The following ITGAV variants were observed in gnomAD, a reference collection of about 807,000 sequenced individuals.
The protein encoded by ITGAV is integrin subunit alpha V, also known as integrin alpha-V.
Under a neutral mutation model 143.8 loss-of-function variants are expected in ITGAV, and 76 were observed. The ratio of observed to expected loss-of-function variants is 0.53; its 90% CI spans 0.44 to 0.64. The LOEUF is 0.64. ITGAV is among the 30% of genes least tolerant of loss of function. The probability of loss-of-function intolerance (pLI) is 0.00; values close to 1 mark genes in which losing one functional copy is unlikely to be tolerated. For synonymous variants in ITGAV, 453 were observed against 446.7 expected, an observed-to-expected ratio of 1.01 and a Z score of -0.18; for missense variants, 1,193 against 1,274.7, an observed-to-expected ratio of 0.94 and a Z score of 0.98.
rs145640276 is a variant in ITGAV, at chr2:186,609,896, G to C, written c.316+7745G>C. ...ATAAAACTGGAAGTAGCTGAGGAAA[G>C]ATATAAATGAGTTTTTAAAAACATA... On this transcript the variant is annotated intron_variant, in intron 2 of 29. Coordinates refer to ENST00000261023, the MANE Select transcript of ITGAV (RefSeq NM_002210.5). Among the ~76,000 whole-genome samples, 508 of 152,046 alleles carry C rather than the reference G, an allele frequency of 3.3e-3. 2 individuals carry two copies. The highest frequency in any genetic ancestry group is 0.012 in the African/African-American group (482 of 41,504).
chr2:186,593,151 T>A (rs1436261369), intron 1 of ITGAV, among the ~76,000 whole-genome samples: 2 of 152,184 alleles, frequency 1.3e-5, no homozygotes, highest in Non-Finnish European at 2.9e-5. Flanking sequence ...GAAGGATTTG[T>A]GAGGAGCAGT....
At position 186,659,023 on chromosome 2, in the gene ITGAV, C is replaced by T. The variant is rs773111005; in HGVS notation, c.1720-15C>T. 1.9e-5 allele frequency: 30 copies of T among 1,596,600 alleles called. No homozygotes were observed. The highest frequency in any genetic ancestry group is 2.7e-5 in the African/African-American group (2 of 74,180). ...GGTTGACGTTATCATTAATTCAAAG[C>T]GTTTCCATTTCTAGGATGAATCTGA... On this transcript the variant is annotated splice_polypyrimidine_tract_variant and intron_variant, in intron 17 of 29. Transcript: ENST00000261023.
intron 11 of ITGAV, 83 bp from the exon 12 acceptor site, chr2:186,641,303 A>G (rs1043296267): frequency 9.5e-7 from 1 of 1,055,400 alleles, no homozygotes; most frequent in African/African-American, 1.6e-5. Context: ...AGAAAGAGGA[A>G]AAGTGAGTTG....
rs779913662 is a variant in ITGAV at position 186,637,091 on chromosome 2, A to G, written c.784A>G (p.Asn262Asp). 3 of 1,613,058 alleles carry G rather than the reference A, an allele frequency of 1.9e-6. No homozygotes were observed. The South Asian group carries it at 3.3e-5, about 18-fold the overall frequency. Residue 262 changes from asparagine (N) to aspartate (D), a missense_variant, in exon 8 of 30, where the codon AAT (asparagine) becomes GAT (aspartate). Coordinates refer to ENST00000261023, the MANE Select transcript of ITGAV (RefSeq NM_002210.5). Reference sequence around the variant, plus strand: ...TTATTCTGTGGCTGTCGGAGATTTCAATGGTGATGGCATAGATGGTATGAA... The same window carrying G: ...TTATTCTGTGGCTGTCGGAGATTTCGATGGTGATGGCATAGATGGTATGAA... ...LGYSVAVGDF[N>D]GDGIDDFVSG...
At chr2:186,623,561 C>G (rs1687592235) in intron 3 of ITGAV, among the ~76,000 whole-genome samples, 1 of 152,090 alleles carries the variant, frequency 6.6e-6, no homozygotes, top group Admixed American at 6.6e-5. Flanking sequence ...CTAGCCTAAC[C>G]CATGGCTGTA....
rs760338153 is a variant in ITGAV, at chr2:186,646,772, G to A, written c.1246G>A (p.Val416Ile). Residue 416 changes from valine (V) to isoleucine (I), a missense_variant, in exon 13 of 30, where the codon GTC becomes ATC. Coordinates refer to ENST00000261023, the MANE Select transcript of ITGAV (RefSeq NM_002210.5). ...FNGRSTGLNA[V>I]PSQILEGQWA... The stretch of plus-strand genomic sequence containing the variant: ...TGGAAGATCAACAGGCTTGAACGCA[G>A]TCCCATCTCAAATCCTTGAAGGGCA... 1 of 1,613,140 alleles carries A rather than the reference G, an allele frequency of 6.2e-7. No individual in the cohort carries two copies. The highest frequency in any genetic ancestry group is 1.3e-5 in the African/African-American group (1 of 75,024).
intron 12 of ITGAV, among the ~76,000 whole-genome samples, chr2:186,643,072 T>C (rs1688153183): frequency 6.6e-6 from 1 of 152,202 alleles, no homozygotes; most frequent in Admixed American, 6.5e-5. Flanking sequence ...ATAAAGTTAA[T>C]GAATTCTTTG....
intron 2 of ITGAV, among the ~76,000 whole-genome samples, chr2:186,617,037 G>GTT (rs35578823): frequency 6.2e-5 from 9 of 145,770 alleles, no homozygotes; most frequent in African/African-American, 1.8e-4. Context: ...TTCTTTTTTT[G>GTT]TTTTTTTTTT....
intron 16 of ITGAV, 119 bp downstream of exon 16, chr2:186,654,827 T>C: frequency 1.8e-6 from 1 of 541,358 alleles, no homozygotes; most frequent in South Asian, 3.0e-5. Flanking sequence ...TATTTGAATG[T>C]TTATGCTTAA....
intron 14 of ITGAV, among the ~76,000 whole-genome samples, chr2:186,650,518 A>C (rs933879297): frequency 6.6e-6 from 1 of 151,768 alleles, no homozygotes; most frequent in Non-Finnish European, 1.5e-5. Flanking sequence ...TGAAATGTAC[A>C]ATAAATTATT....
At position 186,590,385 on chromosome 2, in the gene ITGAV, T is replaced by A; in HGVS notation, c.47T>A (p.Leu16His). 2 of 1,599,792 alleles carry A rather than the reference T, an allele frequency of 1.3e-6. No individual in the cohort carries two copies. Among genetic ancestry groups the A allele is most frequent in the Admixed American group, 3.4e-5 (2 of 58,814 alleles). ...RRRLRLGPRG[L>H]PLLLSGLLLP... ...CGGCTGCGCCTCGGTCCCCGCGGCCTCCCGCTTCTTCTCTCGGGACTCCTG... is the reference window on the plus strand; with the variant it reads ...CGGCTGCGCCTCGGTCCCCGCGGCCACCCGCTTCTTCTCTCGGGACTCCTG... The change falls in exon 1 of 30, where the codon CTC becomes CAC. Residue 16 changes from leucine to histidine, a missense_variant. Coordinates refer to ENST00000261023, the MANE Select transcript of ITGAV (RefSeq NM_002210.5).
chr2:186,645,360 C>T (rs1202322415), intron 12 of ITGAV, among the ~76,000 whole-genome samples: 1 of 151,234 alleles, frequency 6.6e-6, no homozygotes, highest in Admixed American at 6.6e-5. Context: ...GAGCAAAAGG[C>T]AGAGAGAATA....
chr2:186,660,689 A>C (rs2105737437), intron 18 of ITGAV: 1 of 152,302 alleles, frequency 6.6e-6, no homozygotes, highest in East Asian at 1.9e-4. Context: ...GGTGAAATTT[A>C]TTTTAAAAAT....
At chr2:186,661,500 T>G (rs1267332980) in intron 18 of ITGAV, among the ~76,000 whole-genome samples, 1 of 152,104 alleles carries the variant, frequency 6.6e-6, no homozygotes, top group African/African-American at 2.4e-5. Context: ...TGCTCCCTAA[T>G]CCTTTGGTGT....
intron 8 of ITGAV, 83 bp downstream of exon 8, chr2:186,637,192 G>C (rs1233381833): frequency 1.7e-6 from 2 of 1,177,144 alleles, no homozygotes; most frequent in Non-Finnish European, 2.5e-6. Context: ...ATTTTAAGCA[G>C]TTTGAGTGGC....
chr2:186,672,665 T>C (rs1689099006), intron 26 of ITGAV, among the ~76,000 whole-genome samples: 1 of 152,252 alleles, frequency 6.6e-6, no homozygotes, highest in South Asian at 2.1e-4. Flanking sequence ...GGTTTTGATA[T>C]GCATTTCCCT....
Position 186,630,854 on chromosome 2 carries a change from C to T in ITGAV, c.581C>T (p.Thr194Ile). The T allele has an allele frequency of 2.6e-6, 4 of 1,541,702 alleles. No individual in the cohort carries two copies. Among genetic ancestry groups the T allele is most frequent in the Non-Finnish European group, 3.6e-6 (4 of 1,116,756 alleles). ...CAAGGAGGATTCAGCATTGATTTTA[C>T]TAAAGTAAGTTCTTATTTAAGACTG... ...FCQGGFSIDF[T>I]KADRVLLGGP... The change falls in exon 5 of 30, where the codon ACT becomes ATT. Residue 194 changes from threonine to isoleucine, a missense_variant. Transcript: ENST00000261023.
chr2:186,660,317 A>G (rs1308279047), intron 18 of ITGAV, among the ~76,000 whole-genome samples: 1 of 152,160 alleles, frequency 6.6e-6, no homozygotes, highest in African/African-American at 2.4e-5. Context: ...AACTGCAGTA[A>G]TATTTGACTT....
intron 18 of ITGAV, among the ~76,000 whole-genome samples, chr2:186,660,874 C>T (rs1354505150): frequency 6.6e-6 from 1 of 152,136 alleles, no homozygotes; most frequent in East Asian, 1.9e-4. Context: ...CACCAGTCAC[C>T]TTCTTGTGTC....
Sources: allele counts gnomAD v4.1 joint callset (sites outside exome capture counted in the v4.1 genomes callset), GRCh38; gene constraint gnomAD v4.1.1; transcripts MANE v1.5; gene names NCBI Gene and HGNC (gene_info 2026-07-23, HGNC 2026-07-21).